The following BLTP1 variants were observed in gnomAD, a reference collection of about 807,000 sequenced individuals.
The protein encoded by BLTP1 is fragile site-associated protein.
the BLTP1 span, chr4:122,360,138 T>C: frequency 0.1 from 73,913 of 730,138 alleles, 4,194 homozygotes; most frequent in South Asian, 0.26. Flanking sequence ...TTTCTTGCTG[T>C]ATATATGTCA....
chr4:122,162,634 G>A, the BLTP1 span: 2 of 985,100 alleles, frequency 2.0e-6, no homozygotes, highest in East Asian at 1.1e-4. Flanking sequence ...TATCACCCTA[G>A]GGTCATCCTT....
At chr4:122,338,410 G>A in the BLTP1 span, among the ~76,000 whole-genome samples, 1 of 152,052 alleles carries the variant, frequency 6.6e-6, no homozygotes. Context: ...TAGGTTCAAA[G>A]GCTGCAGTGA....
the BLTP1 span, chr4:122,224,421 G>A: frequency 1.6e-4 from 225 of 1,446,584 alleles, no homozygotes; most frequent in Non-Finnish European, 2.0e-4. Context: ...TCTCTGCAGG[G>A]GGTGTGGGGG....
At chr4:122,247,038 A>G in the BLTP1 span, 2 of 1,331,716 alleles carry the variant, frequency 1.5e-6, no homozygotes, top group South Asian at 1.6e-5. Context: ...ATTTTTTACT[A>G]CTATTGGTGT....
chr4:122,155,978 G>T, the BLTP1 span: 16 of 970,486 alleles, frequency 1.6e-5, no homozygotes, highest in African/African-American at 2.3e-4. Flanking sequence ...TCATCTTTAT[G>T]CATATGTTAA....
the BLTP1 span, among the ~76,000 whole-genome samples, chr4:122,343,063 C>T: frequency 5.9e-5 from 9 of 152,118 alleles, no homozygotes; most frequent in Non-Finnish European, 1.2e-4. Context: ...AGTATGTTCT[C>T]CCCCACTTTG....
the BLTP1 span, chr4:122,263,204 T>C: frequency 1.0e-6 from 1 of 985,220 alleles, no homozygotes; most frequent in Non-Finnish European, 1.2e-6. Flanking sequence ...CGAATGTCAA[T>C]GTAGGCATTT....
At chr4:122,307,853 A>T in the BLTP1 span, 1 of 1,520,522 alleles carries the variant, frequency 6.6e-7, no homozygotes, top group Non-Finnish European at 8.8e-7. Flanking sequence ...AATTTTTATT[A>T]AGCAACAGGA....
At chr4:122,318,582 CTTCTT>C in the BLTP1 span, among the ~76,000 whole-genome samples, 1 of 152,110 alleles carries the variant, frequency 6.6e-6, no homozygotes, top group Admixed American at 6.6e-5. Flanking sequence ...TGAAATCACT[CTTCTT>C]TTTAGTCTCT....
At chr4:122,359,648 A>T in the BLTP1 span, 1 of 1,613,010 alleles carries the variant, frequency 6.2e-7, no homozygotes, top group Non-Finnish European at 8.5e-7. Context: ...AAGATAGAGA[A>T]GATAGCATCA....
chr4:122,165,469 A>T, the BLTP1 span, among the ~76,000 whole-genome samples: 9 of 144,294 alleles, frequency 6.2e-5, no homozygotes, highest in African/African-American at 1.2e-4. Context: ...ATCCAGTCTA[A>T]CATTGTTGGA....
chr4:122,266,815 G>C, the BLTP1 span: 1 of 1,608,348 alleles, frequency 6.2e-7, no homozygotes, highest in Non-Finnish European at 8.5e-7. Context: ...GTCATACAGG[G>C]ATCCAGTCAC....
the BLTP1 span, among the ~76,000 whole-genome samples, chr4:122,321,427 C>T: frequency 6.6e-6 from 1 of 151,454 alleles, no homozygotes; most frequent in Non-Finnish European, 1.5e-5. Flanking sequence ...TATATACACA[C>T]ACATATATAC....
At chr4:122,281,086 A>G in the BLTP1 span, among the ~76,000 whole-genome samples, 1 of 152,328 alleles carries the variant, frequency 6.6e-6, no homozygotes, top group African/African-American at 2.4e-5. Context: ...TTAAAGTGAG[A>G]TAAATGAGAC....
chr4:122,172,992 G>A, the BLTP1 span: 12 of 1,609,306 alleles, frequency 7.5e-6, no homozygotes, highest in Non-Finnish European at 1.0e-5. Flanking sequence ...ACATTACTGT[G>A]TAGAAGTAAA....
At chr4:122,173,197 G>T in the BLTP1 span, 9 of 1,586,116 alleles carry the variant, frequency 5.7e-6, no homozygotes, top group Non-Finnish European at 7.7e-6. Flanking sequence ...TTATAATCTT[G>T]AGATGTTGTC....
chr4:122,336,102 T>C, the BLTP1 span: 2 of 1,029,452 alleles, frequency 1.9e-6, no homozygotes, highest in Non-Finnish European at 2.8e-6. Flanking sequence ...TGTGAGGTAC[T>C]TTGCTTGATT....
chr4:122,291,534 T>A, the BLTP1 span, among the ~76,000 whole-genome samples: 6 of 152,262 alleles, frequency 3.9e-5, no homozygotes, highest in African/African-American at 1.4e-4. Context: ...GGAAGACTAA[T>A]GTTCATAACA....
At chr4:122,158,264 G>A in the BLTP1 span, among the ~76,000 whole-genome samples, 1 of 152,018 alleles carries the variant, frequency 6.6e-6, no homozygotes, top group Non-Finnish European at 1.5e-5. Context: ...ATTAATTTAT[G>A]GTATGAGGAC....
Sources: allele counts gnomAD v4.1 joint callset (sites outside exome capture counted in the v4.1 genomes callset), GRCh38; gene constraint gnomAD v4.1.1; transcripts MANE v1.5; gene names NCBI Gene and HGNC (gene_info 2026-07-23, HGNC 2026-07-21).